Variants in LTBP1 observed in about 807,000 individuals in gnomAD.
The protein encoded by LTBP1 is latent-transforming growth factor beta-binding protein 1.
Under a neutral mutation model 207.6 loss-of-function variants are expected in LTBP1, and 129 were observed. The observed-to-expected ratio is 0.62, with a 90% confidence interval of 0.54 to 0.72. The LOEUF (loss-of-function observed/expected upper bound fraction) is 0.72. Among genes scored for constraint, LTBP1 ranks in the 30% least tolerant of loss-of-function variants. The probability of loss-of-function intolerance (pLI) is 0.00; values close to 1 mark genes in which losing one functional copy is unlikely to be tolerated. For synonymous variants in LTBP1, 963 were observed against 833.7 expected, an observed-to-expected ratio of 1.16 and a Z score of -2.67; for missense variants, 2,281 against 2,217.2, an observed-to-expected ratio of 1.03 and a Z score of -0.58.
At chr2:32,987,337 G>C (rs1161469533) in intron 2 of LTBP1, among the ~76,000 whole-genome samples, 1 of 152,126 alleles carries the variant, frequency 6.6e-6, no homozygotes, top group Non-Finnish European at 1.5e-5. Context: ...GAAGACCCTT[G>C]GGACTTCTGG....
At chr2:33,315,088 A>G in intron 23 of LTBP1, 56 bp from the exon 24 acceptor site, 2 of 1,409,306 alleles carry the variant, frequency 1.4e-6, no homozygotes, top group Non-Finnish European at 2.0e-6. Context: ...GTTTGATAGT[A>G]TATGGGAATG....
chr2:33,021,019 A>G lies in LTBP1; in HGVS notation c.676A>G (p.Thr226Ala), dbSNP rs771640146. ...KACETIAAQD[T>A]SSPVFGGQSP... Reference sequence around the variant, plus strand: ...CTGTGAAACAATAGCTGCCCAGGACACCTCGTCACCAGTCTTTGGAGGGCA... The same window carrying G: ...CTGTGAAACAATAGCTGCCCAGGACGCCTCGTCACCAGTCTTTGGAGGGCA... The change falls in exon 3 of 34, where the codon ACC becomes GCC. Residue 226 changes from threonine to alanine, a missense_variant. Transcript: ENST00000404816. 3.1e-6 allele frequency: 5 copies of G among 1,614,004 alleles called. No homozygotes were observed. In the Admixed American group the frequency reaches 5.0e-5, roughly 16 times the overall value.
intron 24 of LTBP1, among the ~76,000 whole-genome samples, chr2:33,334,034 G>A (rs2094526611): frequency 6.6e-6 from 1 of 152,196 alleles, no homozygotes; most frequent in South Asian, 2.1e-4. Context: ...CAACCGCATT[G>A]AATACAACTG....
rs2087500146 is a variant in LTBP1, at chr2:33,188,786, C to A, written c.1636C>A (p.His546Asn). 6.2e-7 allele frequency: 1 copy of A among 1,614,200 alleles called. No individual in the cohort carries two copies. The highest frequency in any genetic ancestry group is 1.1e-5 in the South Asian group (1 of 91,084). Residue 546 changes from histidine (H) to asparagine (N), a missense_variant, in exon 7 of 34, where the codon CAC (histidine) becomes AAC (asparagine). Physicochemically the swap from His to Asn is moderately conservative, Grantham distance 68. Around this residue, in one of 3 missense-constraint regions of LTBP1, gnomAD observed 1,671 missense variants for 1,634.8 expected, o/e 1.02. Coordinates refer to ENST00000404816, the MANE Select transcript of LTBP1 (RefSeq NM_206943.4). ...STYSHQQVIP[H>N]VYPVAAKTQL... The stretch of plus-strand genomic sequence containing the variant: ...ATACTCCCACCAGCAGGTCATTCCT[C>A]ACGTCTACCCCGTGGCTGCTAAGAC...
At chr2:33,004,123 T>G (rs1686433019) in intron 2 of LTBP1, among the ~76,000 whole-genome samples, 1 of 151,630 alleles carries the variant, frequency 6.6e-6, no homozygotes, top group Admixed American at 6.6e-5. Context: ...AAAGAGAGTC[T>G]GCCTCGCTGA....
chr2:33,204,568 C>T (rs1435313538), intron 7 of LTBP1, among the ~76,000 whole-genome samples: 1 of 114,412 alleles, frequency 8.7e-6, no homozygotes, highest in Non-Finnish European at 1.9e-5. Flanking sequence ...CAAGATAAGC[C>T]TCTTTTTTTT....
intron 8 of LTBP1, 119 bp from the exon 9 acceptor site, chr2:33,221,961 C>G (rs1203154818): frequency 4.6e-6 from 3 of 645,298 alleles, no homozygotes; most frequent in Middle Eastern, 2.8e-4. Flanking sequence ...GTATTGGTTT[C>G]TTATATTAAT....
intron 24 of LTBP1, among the ~76,000 whole-genome samples, chr2:33,322,752 A>G (rs1347946955): frequency 6.6e-6 from 1 of 152,250 alleles, no homozygotes; most frequent in Non-Finnish European, 1.5e-5. Context: ...TGAGAAGTAT[A>G]GTACAAGATT....
At chr2:33,020,770 C>T (rs2075127677) in intron 2 of LTBP1, 139 bp from the exon 3 acceptor site, 2 of 771,474 alleles carry the variant, frequency 2.6e-6, no homozygotes, top group South Asian at 2.4e-5. Context: ...GCCCAACTGC[C>T]CCACCTTCCT....
intron 2 of LTBP1, among the ~76,000 whole-genome samples, chr2:32,974,683 T>G (rs1681433960): frequency 6.6e-6 from 1 of 152,188 alleles, no homozygotes; most frequent in South Asian, 2.1e-4. Flanking sequence ...TTGTTTAAAA[T>G]TAGAATAGCA....
At chr2:32,957,548 T>C (rs464977) in intron 2 of LTBP1, among the ~76,000 whole-genome samples, 91,785 of 151,874 alleles carry the variant, frequency 0.6, 28,446 homozygotes, top group Non-Finnish European at 0.66. Flanking sequence ...ATATTGGGTA[T>C]GATTTGTGGT....
intron 3 of LTBP1, chr2:33,056,304 C>T (rs1188937676): frequency 3.5e-6 from 3 of 847,544 alleles, no homozygotes; most frequent in African/African-American, 1.7e-5. Flanking sequence ...GACAAAACCG[C>T]CTGCAGTTTT....
intron 26 of LTBP1, among the ~76,000 whole-genome samples, chr2:33,359,407 A>C (rs948545099): frequency 2.6e-5 from 4 of 152,230 alleles, no homozygotes; most frequent in Non-Finnish European, 5.9e-5. Flanking sequence ...CTGCAAAAAT[A>C]AACATATAGG....
intron 27 of LTBP1, 107 bp downstream of exon 27, chr2:33,360,886 CTTATAGTGAGTTTCAT>C: frequency 1.1e-6 from 1 of 930,080 alleles, no homozygotes; most frequent in Non-Finnish European, 1.6e-6. Flanking sequence ...GGCGACTTAC[CTTATAGTGAGTTTCAT>C]TCAGGGCTAG....
chr2:33,046,139 T>A (rs754012557), intron 3 of LTBP1, among the ~76,000 whole-genome samples: 1 of 152,210 alleles, frequency 6.6e-6, no homozygotes, highest in Non-Finnish European at 1.5e-5. Context: ...GGCCAGAACT[T>A]CCAATACTAT....
chr2:33,276,013 A>C (rs1274681396), intron 18 of LTBP1, 90 bp downstream of exon 18: 1 of 1,440,706 alleles, frequency 6.9e-7, no homozygotes, highest in Non-Finnish European at 9.2e-7. Flanking sequence ...TCCCACACTC[A>C]GTGCGTGACA....
intron 5 of LTBP1, among the ~76,000 whole-genome samples, chr2:33,150,710 C>CTTTTTTTTTTTTTTTTTTTTTTTTTT (rs1176008947): frequency 1.4e-4 from 10 of 69,278 alleles, no homozygotes; most frequent in African/African-American, 1.8e-4. Context: ...TTTTCTTTTT[C>CTTTTTTTTTTTTTTTTTTTTTTTTTT]TTTTTTTTTT....
At chr2:32,962,634 A>G (rs1189746071) in intron 2 of LTBP1, among the ~76,000 whole-genome samples, 2 of 152,240 alleles carry the variant, frequency 1.3e-5, no homozygotes, top group East Asian at 3.8e-4. Flanking sequence ...ACGAGAATGT[A>G]TATTACAACA....
chr2:33,174,996 A>G (rs1324677653), intron 5 of LTBP1, among the ~76,000 whole-genome samples: 2 of 152,184 alleles, frequency 1.3e-5, no homozygotes, highest in Non-Finnish European at 2.9e-5. Flanking sequence ...CACCTTATAC[A>G]AAAATTAATT....
Sources: gnomAD v4.1 joint callset for allele counts (sites outside exome capture counted in the v4.1 genomes callset) on GRCh38, gnomAD v4.1.1 for gene constraint, gnomAD v4.1.1 regional missense constraint, MANE v1.5 for transcripts, NCBI Gene and HGNC (gene_info 2026-07-23, HGNC 2026-07-21) for gene names.